The following KIF9 variants were observed in gnomAD, a reference collection of about 807,000 sequenced individuals.
KIF9 encodes the protein kinesin-like protein KIF9.
In KIF9, 68 loss-of-function variants were observed where a neutral mutation model predicts 94.8. The observed-to-expected ratio is 0.72, with a 90% CI of 0.59 to 0.88. KIF9 has a LOEUF of 0.88. Among genes scored for constraint, KIF9 ranks in the 40% least tolerant of loss-of-function variants. The probability of loss-of-function intolerance (pLI) is 0.00; values close to 1 mark genes in which losing one functional copy is unlikely to be tolerated. For synonymous variants in KIF9, 343 were observed against 362.1 expected, an observed-to-expected ratio of 0.95 and a Z score of 0.60; for missense variants, 882 against 982.5, an observed-to-expected ratio of 0.90 and a Z score of 1.37.
chr3:47,239,290 C>T (rs1160897533), intron 17 of KIF9, among the ~76,000 whole-genome samples: 1 of 152,208 alleles, frequency 6.6e-6, no homozygotes, highest in Non-Finnish European at 1.5e-5. Flanking sequence ...GATATGCCAG[C>T]ATACCATGCG....
intron 20 of KIF9, among the ~76,000 whole-genome samples, chr3:47,232,876 G>A (rs917635186): frequency 1.3e-5 from 2 of 151,132 alleles, no homozygotes; most frequent in African/African-American, 4.9e-5. Context: ...CAGCTACTCA[G>A]GAGGCTGAGG....
At position 47,257,578 on chromosome 3, in the gene KIF9, T is replaced by TA. The variant is rs755471878; in HGVS notation, c.982-19dup. 1.2e-6 allele frequency: 2 copies of TA among 1,610,088 alleles called. No individual in the cohort carries two copies. The highest frequency in any genetic ancestry group is 1.1e-5 in the South Asian group (1 of 91,032). On this transcript the variant is annotated intron_variant, in intron 9 of 20. Transcript: ENST00000684063. ...GAAGATAGCTGCAAAACAGAGCAGG[T>TA]AGACATTAGATGGCTCGCCACTAAA...
At chr3:47,247,954 C>T in intron 11 of KIF9, 64 bp downstream of exon 11, 1 of 1,281,348 alleles carries the variant, frequency 7.8e-7, no homozygotes, top group Non-Finnish European at 1.1e-6. Context: ...CCCCTAGCCC[C>T]AGTCCCTCTA....
In KIF9 at chr3:47,228,393, A is replaced by G; in HGVS notation, c.*259T>C. On this transcript the variant is annotated 3_prime_UTR_variant, in exon 21 of 21. Transcript: ENST00000684063. Reference sequence around the variant, plus strand: ...AATAAGACAAAGTTCTCAGATGAGCACTGAAAGTCCAAACTAGAAAGTTAT... The same window carrying G: ...AATAAGACAAAGTTCTCAGATGAGCGCTGAAAGTCCAAACTAGAAAGTTAT... The G allele has an allele frequency of 2.1e-6, 1 of 467,750 alleles. No homozygotes were observed. The highest frequency in any genetic ancestry group is 3.9e-6 in the Non-Finnish European group (1 of 258,066). The allele number at this position is 467,750 out of a possible 1,614,324, so 29.0% of individuals were successfully genotyped here.
In KIF9 at chr3:47,282,666, A is replaced by C; in HGVS notation, c.-177T>G. 7.9e-7 allele frequency: 1 copy of C among 1,265,462 alleles called. No individual in the cohort carries two copies. Among genetic ancestry groups the C allele is most frequent in the Non-Finnish European group, 1.0e-6 (1 of 994,790 alleles). 78.4% of individuals were successfully genotyped at this position (1,265,462 alleles called of 1,614,324 possible). On this transcript the variant is annotated 5_prime_UTR_variant, in exon 1 of 21. Transcript: ENST00000684063. ...TGAAGTCCGAGGTCCTACGTCGAGG[A>C]TACGGGTGAGGTCATGGCCGAATCG...
chr3:47,247,311 G>A (rs1320957259), intron 12 of KIF9, 62 bp downstream of exon 12: 2 of 1,086,250 alleles, frequency 1.8e-6, no homozygotes, highest in Admixed American at 3.4e-5. Context: ...ATGCGTTGGG[G>A]TGTGCCCAGG....
chr3:47,264,838 G>A (rs988950716), intron 8 of KIF9, among the ~76,000 whole-genome samples: 1 of 152,212 alleles, frequency 6.6e-6, no homozygotes, highest in African/African-American at 2.4e-5. Flanking sequence ...AGGTAATTTG[G>A]TTTAGTTGAA....
At chr3:47,241,859 TATAC>T (rs1216263889) in intron 16 of KIF9, among the ~76,000 whole-genome samples, 1 of 86,478 alleles carries the variant, frequency 1.2e-5, no homozygotes, top group South Asian at 3.7e-4. Context: ...TATATATATA[TATAC>T]ACATATATAT....
chr3:47,247,987 C>T, intron 11 of KIF9, 31 bp downstream of exon 11: 1 of 1,570,260 alleles, frequency 6.4e-7, no homozygotes, highest in Non-Finnish European at 8.8e-7. Context: ...CCCAGCACCT[C>T]TGCCCTCCTT....
intron 5 of KIF9, among the ~76,000 whole-genome samples, chr3:47,269,144 G>C (rs1701475923): frequency 6.6e-6 from 1 of 152,222 alleles, no homozygotes; most frequent in South Asian, 2.1e-4. Context: ...GCTATGTTGT[G>C]AGAAGGCACT....
chr3:47,242,197 A>T (rs1699618716), intron 16 of KIF9, among the ~76,000 whole-genome samples: 1 of 152,128 alleles, frequency 6.6e-6, no homozygotes, highest in South Asian at 2.1e-4. Context: ...TATATTTTTG[A>T]ATGGCTAAGG....
In KIF9 at chr3:47,277,201, G is replaced by C. The variant is rs540671151; in HGVS notation, c.93+81C>G. 1.3e-5 allele frequency: 13 copies of C among 1,031,064 alleles called. No individual in the cohort carries two copies. In the African/African-American group the frequency reaches 1.7e-4, roughly 14 times the overall value. 63.9% of individuals were successfully genotyped at this position (1,031,064 alleles called of 1,614,324 possible). On this transcript the variant is annotated intron_variant, in intron 2 of 20. Transcript: ENST00000684063. ...TCCAATTCTGTCTTGGTCCTTCAAA[G>C]GTTGCTTGGAAATACGGTCACACTA...
chr3:47,246,753 G>T (rs973946183), intron 12 of KIF9, among the ~76,000 whole-genome samples: 1 of 152,016 alleles, frequency 6.6e-6, no homozygotes, highest in Non-Finnish European at 1.5e-5. Context: ...ATTTGGGACT[G>T]CCCCTCCTGT....
intron 8 of KIF9, 117 bp from the exon 9 acceptor site, chr3:47,264,467 C>T (rs1183153564): frequency 4.0e-6 from 3 of 749,756 alleles, no homozygotes; most frequent in African/African-American, 3.4e-5. Flanking sequence ...AACAGGGTCT[C>T]ACTATGTCAC....
rs545509827 is a variant in KIF9 at position 47,228,553 on chromosome 3, G to A, written c.*99C>T. 3 of 972,170 alleles carry A rather than the reference G, an allele frequency of 3.1e-6. No homozygotes were observed. The highest frequency in any genetic ancestry group is 3.2e-5 in the African/African-American group (2 of 62,582). 60.2% of individuals were successfully genotyped at this position (972,170 alleles called of 1,614,324 possible). A position where few individuals can be genotyped will look rare whatever the true frequency, so the allele number is the denominator to read the frequency against. ...TTCTCTGTGCTGGGTCCCAGCATTG[G>A]AGTAGAGGGGGCTGCAGCTCTGGGC... On this transcript the variant is annotated 3_prime_UTR_variant, in exon 21 of 21. Transcript: ENST00000684063.
chr3:47,239,429 G>A (rs1036510605), intron 17 of KIF9: 1 of 315,294 alleles, frequency 3.2e-6, no homozygotes, highest in Non-Finnish European at 4.8e-6. Flanking sequence ...CTGGATAGGG[G>A]TATGTCTATA....
intron 17 of KIF9, among the ~76,000 whole-genome samples, chr3:47,238,152 T>C (rs1230534480): frequency 2.0e-5 from 3 of 152,224 alleles, no homozygotes; most frequent in Admixed American, 2.0e-4. Flanking sequence ...TACAAGAGAC[T>C]AATGTTCCAA....
rs185581212 is a variant in KIF9, at chr3:47,238,807, G to A, written c.1924+1994C>T. Among the ~76,000 whole-genome samples the A allele has an allele frequency of 5.9e-5, 9 of 152,226 alleles. No homozygotes were observed. The East Asian group carries it at 9.7e-4, about 16-fold the overall frequency. On this transcript the variant is annotated intron_variant, in intron 17 of 20. Coordinates refer to ENST00000684063, the MANE Select transcript of KIF9 (RefSeq NM_182902.4). ...CTCCCCAGCAGCTGGGACTACAGGC[G>A]TGCATCACCTACGCCCGGATAATTT...
chr3:47,264,437 CTT>C (rs753826255), intron 8 of KIF9, 87 bp from the exon 9 acceptor site: 1 of 1,063,252 alleles, frequency 9.4e-7, no homozygotes, highest in East Asian at 2.4e-5. Flanking sequence ...ATACTGAATG[CTT>C]TTTATTTGTT....
Sources: allele counts gnomAD v4.1 joint callset (sites outside exome capture counted in the v4.1 genomes callset), GRCh38; gene constraint gnomAD v4.1.1; transcripts MANE v1.5; gene names NCBI Gene and HGNC (gene_info 2026-07-23, HGNC 2026-07-21).